WNT7A: variants seen among roughly 807,000 people sequenced by gnomAD.
WNT7A encodes Wnt family member 7A.
Under a neutral mutation model 28.2 loss-of-function variants are expected in WNT7A, and 16 were observed. That is an observed-to-expected ratio of 0.57 (90% confidence interval 0.38 to 0.86). The LOEUF (loss-of-function observed/expected upper bound fraction) is 0.86. Among genes scored for constraint, WNT7A ranks in the 40% least tolerant of loss-of-function variants. The pLI, the probability that WNT7A is intolerant of heterozygous loss-of-function variation, is 0.00. For missense variants in WNT7A, 411 were observed against 489.7 expected (o/e 0.84, Z 1.52); for synonymous variants, 190 against 195.9 (o/e 0.97, Z 0.25).
chr3:13,822,029 C>G (rs1694118592), intron 3 of WNT7A, among the ~76,000 whole-genome samples: 1 of 152,214 alleles, frequency 6.6e-6, no homozygotes, highest in South Asian at 2.1e-4. Context: ...AAAGGCAAAT[C>G]AAAACCACAA....
At chr3:13,831,547 C>T (rs1392550188) in intron 3 of WNT7A, among the ~76,000 whole-genome samples, 1 of 152,132 alleles carries the variant, frequency 6.6e-6, no homozygotes, top group Non-Finnish European at 1.5e-5. Flanking sequence ...CTGTCGCATG[C>T]CACTGGGATC....
Position 13,818,842 on chromosome 3 carries a change from A to G in WNT7A, c.*102T>C. The G allele has an allele frequency of 6.8e-7, 1 of 1,461,864 alleles. No homozygotes were observed. Among genetic ancestry groups the G allele is most frequent in the Non-Finnish European group, 9.0e-7 (1 of 1,107,614 alleles). The allele number at this position is 1,461,864 out of a possible 1,614,324, so 90.6% of individuals were successfully genotyped here. A position where few individuals can be genotyped will look rare whatever the true frequency, so the allele number is the denominator to read the frequency against. Reference sequence around the variant, plus strand: ...CCAGGAAAAGTACCCTCCTCAGCAGAAAAGACAAGCTCAGCATCCTGCCAG... The same window carrying G: ...CCAGGAAAAGTACCCTCCTCAGCAGGAAAGACAAGCTCAGCATCCTGCCAG... On this transcript the variant is annotated 3_prime_UTR_variant, in exon 4 of 4. Coordinates refer to ENST00000285018, the MANE Select transcript of WNT7A (RefSeq NM_004625.4).
At chr3:13,831,842 C>G (rs1428094172) in intron 3 of WNT7A, among the ~76,000 whole-genome samples, 1 of 152,182 alleles carries the variant, frequency 6.6e-6, no homozygotes, top group African/African-American at 2.4e-5. Flanking sequence ...ATGCCCAGGG[C>G]TGCCTTCCTC....
chr3:13,879,412 G>T (rs1255438784), intron 1 of WNT7A, among the ~76,000 whole-genome samples: 2 of 152,172 alleles, frequency 1.3e-5, no homozygotes, highest in Non-Finnish European at 2.9e-5. Context: ...CTGTCCCTAT[G>T]CCCGGGTCCG....
In WNT7A at chr3:13,874,949, A is replaced by C; in HGVS notation, c.296T>G (p.Val99Gly). The change falls in exon 2 of 4, where the codon GTG becomes GGG. Residue 99 changes from valine to glycine, a missense_variant and splice_region_variant. Coordinates refer to ENST00000285018, the MANE Select transcript of WNT7A (RefSeq NM_004625.4). ...GGGGTGTTTGGGTGAGCACATACCC[A>C]CTTTGAGCTCCTTCCCGAAGACGGT... is the stretch of plus-strand genomic sequence containing the variant. Reference protein sequence around the residue: ...ERTVFGKELKVGSREAAFTYA... With the variant: ...ERTVFGKELKGGSREAAFTYA... The C allele has an allele frequency of 6.2e-7, 1 of 1,613,928 alleles. No homozygotes were observed. Among genetic ancestry groups the C allele is most frequent in the Non-Finnish European group, 8.5e-7 (1 of 1,180,006 alleles).
intron 2 of WNT7A, 25 bp downstream of exon 2, chr3:13,874,922 C>A (rs200317003): frequency 1.9e-6 from 3 of 1,610,858 alleles, no homozygotes; most frequent in Non-Finnish European, 1.7e-6. Context: ...TAAGACTCTG[C>A]GGGGGTGTTT....
At chr3:13,873,967 C>T (rs1559308977) in intron 2 of WNT7A, among the ~76,000 whole-genome samples, 1 of 152,158 alleles carries the variant, frequency 6.6e-6, no homozygotes. Flanking sequence ...GTTTAAGCAG[C>T]GCAGTGACAT....
chr3:13,834,424 T>G (rs931743287), intron 3 of WNT7A, among the ~76,000 whole-genome samples: 4 of 152,000 alleles, frequency 2.6e-5, no homozygotes, highest in Non-Finnish European at 5.9e-5. Context: ...GTGGGTCAGG[T>G]GCACGCTGTG....
At position 13,864,707 on chromosome 3, in the gene WNT7A, T is replaced by C. The variant is rs138616444; in HGVS notation, c.299-9904A>G. On this transcript the variant is annotated intron_variant, in intron 2 of 3. Coordinates refer to ENST00000285018, the MANE Select transcript of WNT7A (RefSeq NM_004625.4). ...ATACAAGTGGGGGAGTCTTATCCCA[T>C]GAACATTTAACTTCCATAAATTGAA... 2.2e-3 allele frequency among the ~76,000 whole-genome samples: 329 copies of C among 152,332 alleles called. 2 individuals carry two copies. Among genetic ancestry groups the C allele is most frequent in the Non-Finnish European group, 3.8e-3 (261 of 68,032 alleles).
intron 3 of WNT7A, among the ~76,000 whole-genome samples, chr3:13,837,567 TGAA>T (rs1209327863): frequency 2.0e-5 from 3 of 151,990 alleles, no homozygotes; most frequent in Non-Finnish European, 4.4e-5. Flanking sequence ...AATGAATGAA[TGAA>T]TTCACCTTTG....
chr3:13,856,926 GAAGAAGAAGA>G (rs1694747660), intron 2 of WNT7A, among the ~76,000 whole-genome samples: 1 of 112,726 alleles, frequency 8.9e-6, no homozygotes, highest in Non-Finnish European at 1.7e-5. Flanking sequence ...AGAAGAAGAA[GAAGAAGAAGA>G]AGAAGAAGAA....
At chr3:13,859,099 G>A (rs369622302) in intron 2 of WNT7A, among the ~76,000 whole-genome samples, 96 of 152,308 alleles carry the variant, frequency 6.3e-4, no homozygotes, top group East Asian at 3.1e-3. Context: ...AACATCAGCC[G>A]TTGCGTTGTA....
chr3:13,849,919 G>C, intron 3 of WNT7A, among the ~76,000 whole-genome samples: 1 of 152,200 alleles, frequency 6.6e-6, no homozygotes, highest in Non-Finnish European at 1.5e-5. Context: ...AGAAGCTGCA[G>C]ACAGGGTTGG....
intron 2 of WNT7A, among the ~76,000 whole-genome samples, chr3:13,870,518 C>T (rs531016706): frequency 1.1e-4 from 16 of 152,332 alleles, no homozygotes; most frequent in African/African-American, 3.1e-4. Flanking sequence ...CTAGTACACT[C>T]GTGAGCAGTT....
intron 3 of WNT7A, among the ~76,000 whole-genome samples, chr3:13,825,141 C>T (rs2124829897): frequency 6.6e-6 from 1 of 152,348 alleles, no homozygotes; most frequent in South Asian, 2.1e-4. Flanking sequence ...GTAAGAGCAG[C>T]TGTCTCTGGG....
chr3:13,826,271 A>G (rs553759612), intron 3 of WNT7A, among the ~76,000 whole-genome samples: 2 of 152,340 alleles, frequency 1.3e-5, no homozygotes, highest in East Asian at 3.9e-4. Context: ...TGTGGAATTA[A>G]TAATTCCCCT....
chr3:13,854,411 G>T, intron 3 of WNT7A, 121 bp downstream of exon 3: 2 of 1,526,944 alleles, frequency 1.3e-6, no homozygotes, highest in South Asian at 2.3e-5. Flanking sequence ...GCACCAAGCA[G>T]AATGAGGCTG....
chr3:13,849,656 G>A (rs183738433), intron 3 of WNT7A, among the ~76,000 whole-genome samples: 5 of 152,310 alleles, frequency 3.3e-5, no homozygotes, highest in African/African-American at 2.4e-5. Context: ...CATTCTGTGC[G>A]GTGGTTTCAC....
intron 2 of WNT7A, among the ~76,000 whole-genome samples, chr3:13,870,035 T>C (rs1695006953): frequency 6.6e-6 from 1 of 152,084 alleles, no homozygotes; most frequent in African/African-American, 2.4e-5. Context: ...AAGTCCCAGA[T>C]CAAGGGCCAT....
Sources: gnomAD v4.1 joint callset for allele counts (sites outside exome capture counted in the v4.1 genomes callset) on GRCh38, gnomAD v4.1.1 for gene constraint, MANE v1.5 for transcripts, NCBI Gene and HGNC (gene_info 2026-07-23, HGNC 2026-07-21) for gene names.